The following CASK variants were observed in gnomAD, a reference collection of about 807,000 sequenced individuals.
CASK encodes the protein calcium/calmodulin dependent serine protein kinase.
CASK carries 4 observed loss-of-function variants against 82.9 expected under a neutral mutation model. The observed-to-expected ratio is 0.05, with a 90% confidence interval of 0.02 to 0.11. The LOEUF (loss-of-function observed/expected upper bound fraction) is 0.11. CASK is among the 10% of genes least tolerant of loss of function. CASK has a pLI of 1.00. For synonymous variants in CASK, 259 were observed against 253.5 expected (o/e 1.02, Z -0.20); for missense variants, 358 against 720.9 (o/e 0.50, Z 5.76).
At chrX:41,649,878 G>A (rs2066833113) in intron 8 of CASK, among the ~76,000 whole-genome samples, 1 of 110,915 alleles carries the variant, frequency 9.0e-6, no homozygotes, top group Non-Finnish European at 1.9e-5. Context: ...ATTATTGTGT[G>A]GGAGTCTAAG....
At chrX:41,676,960 G>A (rs1364041167) in intron 5 of CASK, among the ~76,000 whole-genome samples, 1 of 111,257 alleles carries the variant, frequency 9.0e-6, no homozygotes, top group Admixed American at 9.5e-5. Flanking sequence ...AAATGAAGAT[G>A]CCATTTACTG....
chrX:41,673,829 GTTTTT>G (rs887137250), intron 5 of CASK, among the ~76,000 whole-genome samples: 1 of 51,045 alleles, frequency 2.0e-5, no homozygotes, highest in Admixed American at 2.3e-4. Flanking sequence ...AACTCTGGGT[GTTTTT>G]TTTTTTTTTT....
chrX:41,850,443 G>A (rs1321926381), intron 2 of CASK, among the ~76,000 whole-genome samples: 2 of 109,680 alleles, frequency 1.8e-5, no homozygotes, highest in Non-Finnish European at 3.8e-5. Flanking sequence ...AAATATTGAG[G>A]TAATTAACAA....
At chrX:41,603,831 T>G (rs2065925012) in intron 12 of CASK, among the ~76,000 whole-genome samples, 1 of 112,126 alleles carries the variant, frequency 8.9e-6, no homozygotes. Flanking sequence ...GGCAGAGAGA[T>G]GTGTCATTTA....
At position 41,842,192 on chromosome X, in the gene CASK, T is replaced by G. The variant is rs2071052566; in HGVS notation, c.172+10923A>C. ...ATTATTTGACTGTAAATATATGGAT[T>G]TACTACTGGATTGTTAATTCAATTT... On this transcript the variant is annotated intron_variant, in intron 2 of 26. Transcript: ENST00000378163. 8.9e-5 allele frequency among the ~76,000 whole-genome samples: 10 copies of G among 111,776 alleles called. 1 individual carries two copies. Among genetic ancestry groups the G allele is most frequent in the Admixed American group, 8.6e-4 (9 of 10,492 alleles).
intron 5 of CASK, chrX:41,728,771 TA>T (rs2068314037): frequency 8.2e-6 from 1 of 122,581 alleles, no homozygotes; most frequent in Non-Finnish European, 1.9e-5. Flanking sequence ...TAAAAATAAG[TA>T]AAAAAATAAA....
In CASK at chrX:41,557,106, A is replaced by T; in HGVS notation, c.1738-6T>A. 8.5e-7 allele frequency: 1 copy of T among 1,182,817 alleles called. No homozygotes were observed. Among genetic ancestry groups the T allele is most frequent in the Non-Finnish European group, 1.2e-6 (1 of 868,972 alleles). On this transcript the variant is annotated splice_region_variant and splice_polypyrimidine_tract_variant and intron_variant, in intron 18 of 26. Transcript: ENST00000378163. Reference sequence around the variant, plus strand: ...GAAGTGGAAGGGGAATCTCTCTGAAATAAGACACAAGGTTCATTAACACAG... The same window carrying T: ...GAAGTGGAAGGGGAATCTCTCTGAATTAAGACACAAGGTTCATTAACACAG...
At position 41,923,281 on chromosome X, in the gene CASK, T is replaced by C. The variant is rs2072821429; in HGVS notation, c.-293A>G. On this transcript the variant is annotated 5_prime_UTR_variant, in exon 1 of 27. Coordinates refer to ENST00000378163, the MANE Select transcript of CASK (RefSeq NM_001367721.1). ...GCTGCTCGGGCCGCGCTGCCCGGCG[T>C]GCGGATCCTCGGGGACCGCGCGGCG... is the stretch of plus-strand genomic sequence containing the variant. The C allele has an allele frequency of 9.4e-6, 1 of 106,800 alleles. No homozygotes were observed. Among genetic ancestry groups the C allele is most frequent in the Non-Finnish European group, 2.0e-5 (1 of 51,067 alleles). 8.8% of individuals were successfully genotyped at this position (106,800 alleles called of 1,213,427 possible).
intron 5 of CASK, among the ~76,000 whole-genome samples, chrX:41,699,912 C>T (rs1027520622): frequency 9.0e-6 from 1 of 111,462 alleles, no homozygotes; most frequent in African/African-American, 3.3e-5. Flanking sequence ...TCTTACTAAG[C>T]ATTAGTATTT....
At chrX:41,797,286 C>A (rs2069878651) in intron 2 of CASK, among the ~76,000 whole-genome samples, 1 of 109,920 alleles carries the variant, frequency 9.1e-6, no homozygotes, top group Non-Finnish European at 1.9e-5. Context: ...GTTGTTCCCT[C>A]TGTATGATAC....
chrX:41,843,593 T>C (rs1017368357), intron 2 of CASK, among the ~76,000 whole-genome samples: 1 of 111,973 alleles, frequency 8.9e-6, no homozygotes, highest in Admixed American at 9.5e-5. Flanking sequence ...TTAATGGATT[T>C]TAGTATATTC....
chrX:41,632,140 G>C (rs2066479662), intron 9 of CASK, among the ~76,000 whole-genome samples: 1 of 111,113 alleles, frequency 9.0e-6, no homozygotes, highest in South Asian at 3.8e-4. Context: ...TGTTGCTCAG[G>C]CTCAAAGGTT....
intron 2 of CASK, among the ~76,000 whole-genome samples, chrX:41,803,865 GAAGA>G (rs2070055937): frequency 9.8e-6 from 1 of 102,160 alleles, no homozygotes; most frequent in Non-Finnish European, 2.1e-5. Flanking sequence ...GCTGGTTACA[GAAGA>G]AACAGCAAAA....
At chrX:41,550,391 T>C (rs1188545875) in intron 21 of CASK, among the ~76,000 whole-genome samples, 1 of 111,564 alleles carries the variant, frequency 9.0e-6, no homozygotes, top group South Asian at 3.8e-4. Context: ...TGGCATTCCA[T>C]TGTATGGCTA....
At chrX:41,813,552 A>C (rs1284633627) in intron 2 of CASK, among the ~76,000 whole-genome samples, 1 of 111,768 alleles carries the variant, frequency 8.9e-6, no homozygotes, top group African/African-American at 3.3e-5. Flanking sequence ...TAGAAAGCTG[A>C]AACTGGATCC....
At chrX:41,818,357 C>T (rs935785457) in intron 2 of CASK, among the ~76,000 whole-genome samples, 4 of 110,797 alleles carry the variant, frequency 3.6e-5, no homozygotes, top group African/African-American at 1.3e-4. Flanking sequence ...AATCCCAGCA[C>T]TTTGGGAGGC....
At chrX:41,634,490 C>G (rs939347662) in intron 9 of CASK, among the ~76,000 whole-genome samples, 1 of 112,490 alleles carries the variant, frequency 8.9e-6, no homozygotes, top group African/African-American at 3.2e-5. Flanking sequence ...GACAGCTTGG[C>G]CCTGTCCAAA....
chrX:41,864,508 T>C (rs1290117446), intron 1 of CASK, among the ~76,000 whole-genome samples: 1 of 111,856 alleles, frequency 8.9e-6, no homozygotes, highest in Non-Finnish European at 1.9e-5. Flanking sequence ...TTATTATCAG[T>C]GGACTTTGGA....
At chrX:41,622,544 G>T in intron 11 of CASK, 73 bp downstream of exon 11, 1 of 893,480 alleles carries the variant, frequency 1.1e-6, no homozygotes, top group Non-Finnish European at 1.6e-6. Context: ...AAGTCAAGCT[G>T]ATTACGAACC....
Sources: allele counts gnomAD v4.1 joint callset (sites outside exome capture counted in the v4.1 genomes callset), GRCh38; gene constraint gnomAD v4.1.1; transcripts MANE v1.5; gene names NCBI Gene and HGNC (gene_info 2026-07-23, HGNC 2026-07-21).